The following ZNF528 variants were observed in gnomAD, a reference collection of about 807,000 sequenced individuals.
ZNF528 encodes zinc finger protein 528.
A neutral mutation model predicts 13.3 loss-of-function variants in ZNF528; 9 were observed. That is an observed-to-expected ratio of 0.67 (90% CI 0.41 to 1.18). The LOEUF (loss-of-function observed/expected upper bound fraction) is 1.18. ZNF528 is among the 50% of genes most tolerant of loss of function. ZNF528 has a pLI of 0.01. For synonymous variants in ZNF528, 264 were observed against 254.3 expected (o/e 1.04, Z -0.36); for missense variants, 858 against 745.4 (o/e 1.15, Z -1.76).
Position 52,410,657 on chromosome 19 carries a change from T to C in ZNF528, c.271+4014T>C, listed in dbSNP as rs374574614. Among the ~76,000 whole-genome samples the C allele has an allele frequency of 2.5e-4, 38 of 152,308 alleles. No homozygotes were observed. The East Asian group carries it at 2.9e-3, about 12-fold the overall frequency. On this transcript the variant is annotated intron_variant, in intron 6 of 6. Transcript: ENST00000360465. ...TTACTGTTACAGATTTGTCTAAGCA[T>C]TGGCCTACCTAAAAGTTCTGTTGGA...
At chr19:52,410,164 A>G (rs10406795) in intron 6 of ZNF528, among the ~76,000 whole-genome samples, 19,678 of 152,206 alleles carry the variant, frequency 0.13, 1,469 homozygotes, top group East Asian at 0.31. Context: ...CCTGTTGTAA[A>G]GGGTGTGGGT....
At chr19:52,401,838 C>CA in intron 3 of ZNF528, 85 bp downstream of exon 3, 2 of 1,527,772 alleles carry the variant, frequency 1.3e-6, no homozygotes, top group Non-Finnish European at 1.8e-6. Flanking sequence ...TGTAGAAAGT[C>CA]AAAGTTTGAG....
intron 6 of ZNF528, among the ~76,000 whole-genome samples, chr19:52,410,365 AGC>A (rs1386536029): frequency 6.6e-6 from 1 of 152,158 alleles, no homozygotes; most frequent in African/African-American, 2.4e-5. Flanking sequence ...ATTGTCGGTC[AGC>A]GGCTTGATTT....
Position 52,415,564 on chromosome 19 carries a change from G to C in ZNF528, c.712G>C (p.Glu238Gln). The C allele has an allele frequency of 1.9e-6, 3 of 1,614,192 alleles. No individual in the cohort carries two copies. Among genetic ancestry groups the C allele is most frequent in the Non-Finnish European group, 1.7e-6 (2 of 1,180,040 alleles). The change falls in exon 7 of 7, where the codon GAG (glutamate) becomes CAG (glutamine). Residue 238 changes from glutamate to glutamine, a missense_variant. By Grantham distance (29) the Glu-to-Gln change is conservative (BLOSUM62 2). Transcript: ENST00000360465. ...LVIHRRMHTG[E>Q]KPYKCHECGK... ...GATACATCGAAGAATGCATACTGGA[G>C]AGAAGCCTTACAAATGTCATGAATG...
intron 2 of ZNF528, among the ~76,000 whole-genome samples, chr19:52,400,891 ACT>A (rs1476812398): frequency 1.3e-5 from 2 of 151,174 alleles, no homozygotes; most frequent in East Asian, 3.9e-4. Context: ...ACAGCTGATC[ACT>A]CTTTTTTTTC....
At chr19:52,413,533 G>A (rs778283789) in intron 6 of ZNF528, 1 of 152,090 alleles carries the variant, frequency 6.6e-6, no homozygotes, top group African/African-American at 2.4e-5. Context: ...AGATTGTTTC[G>A]ATCAGGCCTT....
At position 52,416,298 on chromosome 19, in the gene ZNF528, T is replaced by A. The variant is rs767519379; in HGVS notation, c.1446T>A (p.Ser482Arg). ...KVFRYKSSLT[S>R]HHRIHTGEKP... Reference sequence around the variant, plus strand: ...TCAGGTACAAGTCTTCTCTAACCAGTCATCATAGAATTCATACTGGAGAGA... The same window carrying A: ...TCAGGTACAAGTCTTCTCTAACCAGACATCATAGAATTCATACTGGAGAGA... Residue 482 changes from serine (S) to arginine (R), a missense_variant, in exon 7 of 7, where the codon AGT (serine) becomes AGA (arginine). Ser to Arg is a moderately radical substitution (Grantham distance 110). Coordinates refer to ENST00000360465, the MANE Select transcript of ZNF528 (RefSeq NM_032423.3). 1.2e-6 allele frequency: 2 copies of A among 1,612,814 alleles called. No homozygotes were observed. The highest frequency in any genetic ancestry group is 2.7e-5 in the African/African-American group (2 of 74,612).
rs142156816 is a variant in ZNF528 at position 52,415,946 on chromosome 19, G to T, written c.1094G>T (p.Arg365Leu). 165 of 1,613,848 alleles carry T rather than the reference G, an allele frequency of 1.0e-4. 2 individuals are homozygous for T. In the South Asian group the frequency reaches 1.7e-3, roughly 17 times the overall value. Reference protein sequence around the residue: ...CEECGKAFSVRSSLITHQLIH... With the variant: ...CEECGKAFSVLSSLITHQLIH... ...GAATGTGGCAAAGCATTTTCAGTGCGTTCCAGCCTCATAACCCATCAGTTA... is the reference window on the plus strand; with the variant it reads ...GAATGTGGCAAAGCATTTTCAGTGCTTTCCAGCCTCATAACCCATCAGTTA... Residue 365 changes from arginine (R) to leucine (L), a missense_variant, in exon 7 of 7, where the codon CGT becomes CTT. By Grantham distance (102) the Arg-to-Leu change is moderately radical. Transcript: ENST00000360465.
At position 52,416,352 on chromosome 19, in the gene ZNF528, G is replaced by A; in HGVS notation, c.1500G>A (p.Lys500=). Residue 500 remains lysine, a synonymous_variant, in exon 7 of 7, where the codon AAG becomes AAA. Transcript: ENST00000360465. ...EKPYKCNRCG[K]VFSRSSNLVC... ...CTTACAAATGTAACAGATGTGGCAA[G>A]GTCTTCAGTCGCAGTTCAAACCTGG... 1 of 1,613,994 alleles carries A rather than the reference G, an allele frequency of 6.2e-7. No homozygotes were observed. The highest frequency in any genetic ancestry group is 8.5e-7 in the Non-Finnish European group (1 of 1,179,898).
chr19:52,413,985 G>C, intron 6 of ZNF528: 1 of 485,550 alleles, frequency 2.1e-6, no homozygotes, highest in South Asian at 2.6e-5. Flanking sequence ...GAATTAACCT[G>C]AGTTCCAGGC....
Position 52,415,437 on chromosome 19 carries a change from T to A in ZNF528, c.585T>A (p.Phe195Leu), listed in dbSNP as rs547069115. The A allele has an allele frequency of 9.3e-6, 15 of 1,614,224 alleles. No homozygotes were observed. The highest frequency in any genetic ancestry group is 1.3e-5 in the Non-Finnish European group (15 of 1,180,046). The change falls in exon 7 of 7, where the codon TTT (phenylalanine) becomes TTA (leucine). Residue 195 changes from phenylalanine (F) to leucine (L), a missense_variant. Phe to Leu is a conservative substitution (Grantham distance 22). Coordinates refer to ENST00000360465, the MANE Select transcript of ZNF528 (RefSeq NM_032423.3). ...AATGTAATGAGCACGGCCAAGTCTT[T>A]AGAGCATCTGCAAGCCTTACTAACC... The part of the protein sequence containing the change: ...AYKCNEHGQV[F>L]RASASLTNQV...
intron 6 of ZNF528, among the ~76,000 whole-genome samples, chr19:52,409,580 C>G (rs1204221448): frequency 1.3e-5 from 2 of 151,744 alleles, no homozygotes; most frequent in Non-Finnish European, 2.9e-5. Context: ...AGAGGGCTGC[C>G]TTTTTCTAGG....
Position 52,415,220 on chromosome 19 carries a change from T to C in ZNF528, c.368T>C (p.Phe123Ser). Residue 123 changes from phenylalanine (F) to serine (S), a missense_variant, in exon 7 of 7, where the codon TTT (phenylalanine) becomes TCT (serine). Phe to Ser is a radical substitution (Grantham distance 155, BLOSUM62 -2). Transcript: ENST00000360465. ...FQLHLSDLQLFQAERKISGCK... is the reference protein window; with the variant it reads ...FQLHLSDLQLSQAERKISGCK... Reference sequence around the variant, plus strand: ...TTACATCTGAGTGATCTACAGCTATTTCAAGCTGAAAGGAAAATTTCTGGG... The same window carrying C: ...TTACATCTGAGTGATCTACAGCTATCTCAAGCTGAAAGGAAAATTTCTGGG... 6.2e-7 allele frequency: 1 copy of C among 1,614,146 alleles called. No individual in the cohort carries two copies. The highest frequency in any genetic ancestry group is 8.5e-7 in the Non-Finnish European group (1 of 1,180,030).
At chr19:52,414,404 C>G in intron 6 of ZNF528, 4 of 680,820 alleles carry the variant, frequency 5.9e-6, no homozygotes, top group Non-Finnish European at 1.1e-5. Context: ...GGGGCTCCTT[C>G]TAGTGAACAA....
In ZNF528 at chr19:52,417,597, T is replaced by C. The variant is rs1016226722; in HGVS notation, c.*858T>C. On this transcript the variant is annotated 3_prime_UTR_variant, in exon 7 of 7. Coordinates refer to ENST00000360465, the MANE Select transcript of ZNF528 (RefSeq NM_032423.3). ...CCATTGAACAGCAGTACCTGCTGTT[T>C]AGCAAAGACTGATGAGAAGTAGACT... is the stretch of plus-strand genomic sequence containing the variant. 3 of 152,498 alleles carry C rather than the reference T, an allele frequency of 2.0e-5. No homozygotes were observed. Among genetic ancestry groups the C allele is most frequent in the African/African-American group, 7.2e-5 (3 of 41,442 alleles). The allele number at this position is 152,498 out of a possible 1,614,324, so 9.4% of individuals were successfully genotyped here. A position where few individuals can be genotyped will look rare whatever the true frequency, so the allele number is the denominator to read the frequency against.
At chr19:52,409,354 C>T (rs149617913) in intron 6 of ZNF528, among the ~76,000 whole-genome samples, 1 of 150,326 alleles carries the variant, frequency 6.7e-6, no homozygotes, top group African/African-American at 2.4e-5. Flanking sequence ...GGCTGGAGTG[C>T]AGTGCCATGC....
chr19:52,405,832 C>A, intron 4 of ZNF528, 75 bp from the exon 5 acceptor site: 1 of 1,571,646 alleles, frequency 6.4e-7, no homozygotes. Context: ...CAGTCCTTAA[C>A]GACTGTCTTC....
In ZNF528 at chr19:52,402,392, TC is replaced by T. The variant is rs145518781; in HGVS notation, c.15+366del. 5.1e-3 allele frequency: 1,583 copies of T among 310,014 alleles called. 19 individuals carry two copies. The highest frequency in any genetic ancestry group is 0.031 in the African/African-American group (1,432 of 46,188). The allele number at this position is 310,014 out of a possible 1,614,324, so 19.2% of individuals were successfully genotyped here. On this transcript the variant is annotated intron_variant, in intron 4 of 6. Transcript: ENST00000360465. ...AATTAGAGAAGCTGCACGTCAAAGT[TC>T]CTTTCTTTCTTCTTTCTTTTTTTTT...
Position 52,415,840 on chromosome 19 carries a change from T to C in ZNF528, c.988T>C (p.Cys330Arg). ...AGAGAAACCTTACAGTTGTAATAAATGTGGCAAGGTCTTTAGTCGCCATTC... is the reference window on the plus strand; with the variant it reads ...AGAGAAACCTTACAGTTGTAATAAACGTGGCAAGGTCTTTAGTCGCCATTC... ...TGEKPYSCNKCGKVFSRHSYL... is the reference protein window; with the variant it reads ...TGEKPYSCNKRGKVFSRHSYL... The change falls in exon 7 of 7, where the codon TGT becomes CGT. Residue 330 changes from cysteine to arginine, a missense_variant. Coordinates refer to ENST00000360465, the MANE Select transcript of ZNF528 (RefSeq NM_032423.3). 1 of 1,613,976 alleles carries C rather than the reference T, an allele frequency of 6.2e-7. No homozygotes were observed. Among genetic ancestry groups the C allele is most frequent in the Non-Finnish European group, 8.5e-7 (1 of 1,179,894 alleles).
Sources: gnomAD v4.1 joint callset for allele counts (sites outside exome capture counted in the v4.1 genomes callset) on GRCh38, gnomAD v4.1.1 for gene constraint, MANE v1.5 for transcripts, NCBI Gene and HGNC (gene_info 2026-07-23, HGNC 2026-07-21) for gene names.